The following SUSD4 variants were observed in gnomAD, a reference collection of about 807,000 sequenced individuals.
SUSD4 encodes sushi domain-containing protein 4.
In SUSD4, 41 loss-of-function variants were observed where a neutral mutation model predicts 50.5. The ratio of observed to expected loss-of-function variants is 0.81; its 90% CI spans 0.63 to 1.05. The LOEUF is 1.05. Among genes scored for constraint, SUSD4 ranks in the 50% least tolerant of loss-of-function variants. The pLI is 0.00. For missense variants in SUSD4, 580 were observed against 634.7 expected, an observed-to-expected ratio of 0.91 and a Z score of 0.93; for synonymous variants, 257 against 257.3, an observed-to-expected ratio of 1.00 and a Z score of 0.01.
chr1:223,354,888 T>G (rs951509613), intron 2 of SUSD4, among the ~76,000 whole-genome samples: 14 of 152,336 alleles, frequency 9.2e-5, no homozygotes, highest in Non-Finnish European at 1.8e-4. Flanking sequence ...TGAAACTAGT[T>G]AGAACAGGAA....
intron 2 of SUSD4, among the ~76,000 whole-genome samples, chr1:223,296,448 T>C (rs1336749485): frequency 2.0e-5 from 3 of 152,128 alleles, no homozygotes; most frequent in Non-Finnish European, 2.9e-5. Context: ...CAGGTATAGA[T>C]GTCTAGCCAT....
At chr1:223,330,049 G>A (rs1403247229) in intron 2 of SUSD4, among the ~76,000 whole-genome samples, 1 of 152,200 alleles carries the variant, frequency 6.6e-6, no homozygotes, top group Non-Finnish European at 1.5e-5. Flanking sequence ...TGGATAATAA[G>A]TGTATAGATG....
chr1:223,352,517 T>A (rs1668423624), intron 2 of SUSD4, among the ~76,000 whole-genome samples: 1 of 152,028 alleles, frequency 6.6e-6, no homozygotes, highest in Non-Finnish European at 1.5e-5. Flanking sequence ...GTGGCAAAGA[T>A]CTAGGAAGGT....
chr1:223,324,817 C>T (rs1209303742), intron 2 of SUSD4, among the ~76,000 whole-genome samples: 1 of 151,994 alleles, frequency 6.6e-6, no homozygotes, highest in African/African-American at 2.4e-5. Flanking sequence ...GCAATGGACA[C>T]TGATGGGTAC....
intron 2 of SUSD4, among the ~76,000 whole-genome samples, chr1:223,303,660 G>C (rs1665331790): frequency 6.6e-6 from 1 of 152,184 alleles, no homozygotes; most frequent in Admixed American, 6.5e-5. Context: ...GGGTCCAGGA[G>C]GGTCACCACC....
intron 2 of SUSD4, among the ~76,000 whole-genome samples, chr1:223,345,364 CAA>C (rs1440644030): frequency 3.9e-5 from 6 of 152,128 alleles, no homozygotes; most frequent in Non-Finnish European, 8.8e-5. Flanking sequence ...GAAACTGAGG[CAA>C]AGAGAGGTTC....
At position 223,227,706 on chromosome 1, in the gene SUSD4, G is replaced by T. The variant is rs779350940; in HGVS notation, c.949C>A (p.Leu317Met). 6.2e-7 allele frequency: 1 copy of T among 1,613,302 alleles called. No homozygotes were observed. The highest frequency in any genetic ancestry group is 8.5e-7 in the Non-Finnish European group (1 of 1,179,732). The stretch of plus-strand genomic sequence containing the variant: ...AACGCCACAATCTTCCACGTGGTCA[G>T]GAGGGTCTCATGGGTGCTGGGCCAC... ...QTWPSTHETL[L>M]TTWKIVAFTA... is the part of the protein sequence containing the mutation. The change falls in exon 7 of 9, where the codon CTG becomes ATG. Residue 317 changes from leucine to methionine, a missense_variant. Transcript: ENST00000366878. This position sits in a 1 kb window ranked among gnomAD's most constrained non-coding sequence, Gnocchi z 4.5.
intron 3 of SUSD4, chr1:223,289,255 A>G: frequency 1.0e-6 from 1 of 985,424 alleles, no homozygotes; most frequent in South Asian, 4.7e-5. Context: ...GGGGTCATGC[A>G]GGCTCCAGTC....
At chr1:223,267,921 G>C (rs1002475075) in intron 4 of SUSD4, among the ~76,000 whole-genome samples, 4 of 149,904 alleles carry the variant, frequency 2.7e-5, no homozygotes, top group African/African-American at 9.9e-5. Context: ...TGATGGCCCA[G>C]GCAAATCTAA....
At position 223,363,348 on chromosome 1, in the gene SUSD4, G is replaced by A. The variant is rs143717734; in HGVS notation, c.78C>T (p.Pro26=). Residue 26 remains proline, a synonymous_variant, in exon 2 of 9, where the codon CCC becomes CCT. Transcript: ENST00000366878. ...QQQQQQQPQS[P]QRLLAVILWF... is the part of the protein sequence containing the mutation. ...ACAGGATCACGGCCAAGAGTCTCTG[G>A]GGGGACTGAGGTTGCTGCTGCTGCT... 8 of 1,608,486 alleles carry A rather than the reference G, an allele frequency of 5.0e-6. No homozygotes were observed. In the African/African-American group the frequency reaches 5.3e-5, roughly 11 times the overall value.
rs1571913426 is a variant in SUSD4 at position 223,262,476 on chromosome 1, A to G, written c.724+2154T>C. ...ACAGTTCGTCTATGTTGAATACCCTATGACAACAGTGCATAACTAAGGCAC... is the reference window on the plus strand; with the variant it reads ...ACAGTTCGTCTATGTTGAATACCCTGTGACAACAGTGCATAACTAAGGCAC... On this transcript the variant is annotated intron_variant, in intron 5 of 8. Coordinates refer to ENST00000366878, the MANE Select transcript of SUSD4 (RefSeq NM_017982.4). 2.6e-5 allele frequency among the ~76,000 whole-genome samples: 4 copies of G among 152,344 alleles called. No homozygotes were observed. In the East Asian group the frequency reaches 5.8e-4, roughly 22 times the overall value.
rs1365878859 is a variant in SUSD4 at position 223,223,699 on chromosome 1, C to T, written c.1062-68G>A. The T allele has an allele frequency of 5.4e-6, 8 of 1,492,338 alleles. No homozygotes were observed. In the South Asian group the frequency reaches 9.5e-5, roughly 18 times the overall value. 92.4% of individuals were successfully genotyped at this position (1,492,338 alleles called of 1,614,324 possible). On this transcript the variant is annotated intron_variant, in intron 7 of 8. Transcript: ENST00000366878. ...CTCTGGGGATGAGGCCACCCATACT[C>T]CCTCCTGCACTCGGGGTCCTCAGGA...
Position 223,229,048 on chromosome 1 carries a change from C to A in SUSD4, c.916+149G>T. 1.3e-6 allele frequency: 1 copy of A among 786,738 alleles called. No individual in the cohort carries two copies. The highest frequency in any genetic ancestry group is 2.6e-5 in the East Asian group (1 of 38,868). The allele number at this position is 786,738 out of a possible 1,614,324, so 48.7% of individuals were successfully genotyped here. ...TCTGGCACAGAGCCCAACAGCAGCC[C>A]CATCGACCCGCAATGATATGTTTCG... On this transcript the variant is annotated intron_variant, in intron 6 of 8. Coordinates refer to ENST00000366878, the MANE Select transcript of SUSD4 (RefSeq NM_017982.4). The surrounding 1 kb of genome is among the most constrained non-coding windows in gnomAD (Gnocchi z 4.7).
intron 2 of SUSD4, among the ~76,000 whole-genome samples, chr1:223,317,769 T>C (rs1325366974): frequency 6.6e-6 from 1 of 151,688 alleles, no homozygotes; most frequent in Non-Finnish European, 1.5e-5. Flanking sequence ...AGGAAGCCCA[T>C]TTGCTCCAGA....
rs1355469001 is a variant in SUSD4 at position 223,222,139 on chromosome 1, T to C, written c.*53A>G. 10 of 1,595,456 alleles carry C rather than the reference T, an allele frequency of 6.3e-6. No individual in the cohort carries two copies. Among genetic ancestry groups the C allele is most frequent in the Non-Finnish European group, 8.6e-6 (10 of 1,168,776 alleles). The stretch of plus-strand genomic sequence containing the variant: ...ATCCTTCTGTGACCTCACTCCAAGA[T>C]ACAAGGTCCTTTCCCCGAAGGAGCA... On this transcript the variant is annotated 3_prime_UTR_variant, in exon 9 of 9. Coordinates refer to ENST00000366878, the MANE Select transcript of SUSD4 (RefSeq NM_017982.4).
intron 2 of SUSD4, among the ~76,000 whole-genome samples, chr1:223,359,461 T>C (rs1023925966): frequency 6.6e-6 from 1 of 152,224 alleles, no homozygotes; most frequent in African/African-American, 2.4e-5. Flanking sequence ...GAGCCTTTCC[T>C]GATTTTCCTT....
intron 3 of SUSD4, among the ~76,000 whole-genome samples, chr1:223,272,352 C>G (rs1662975832): frequency 6.6e-6 from 1 of 152,174 alleles, no homozygotes; most frequent in South Asian, 2.1e-4. Context: ...CCAACACTGT[C>G]ATTATTTCTA....
chr1:223,330,488 G>A (rs1038991871), intron 2 of SUSD4, among the ~76,000 whole-genome samples: 17 of 152,258 alleles, frequency 1.1e-4, no homozygotes, highest in African/African-American at 3.9e-4. Context: ...TCATAAGTAA[G>A]AAGATTCAGA....
chr1:223,289,049 C>G (rs1321585028), intron 3 of SUSD4: 6 of 959,008 alleles, frequency 6.3e-6, no homozygotes, highest in Non-Finnish European at 7.4e-6. Flanking sequence ...CCCAAGTAGA[C>G]ATAACTGAGT....
Sources: gnomAD v4.1 joint callset for allele counts (sites outside exome capture counted in the v4.1 genomes callset) on GRCh38, gnomAD v4.1.1 for gene constraint, Gnocchi (gnomAD v3.1) non-coding constraint, MANE v1.5 for transcripts, NCBI Gene and HGNC (gene_info 2026-07-23, HGNC 2026-07-21) for gene names.